Variants in RBM19 observed in about 807,000 individuals in gnomAD.
RBM19 encodes the protein RNA binding motif protein 19, also known as probable RNA-binding protein 19.
RBM19 carries 94 observed loss-of-function variants against 116.8 expected under a neutral mutation model. The ratio of observed to expected loss-of-function variants is 0.80; its 90% CI spans 0.68 to 0.95. RBM19 has a LOEUF of 0.95. Ranked by LOEUF, RBM19 falls within the 40% of genes least tolerant of loss-of-function variation. The probability of loss-of-function intolerance (pLI) is 0.00; values close to 1 mark genes in which losing one functional copy is unlikely to be tolerated. For synonymous variants in RBM19, 475 were observed against 494.1 expected, an observed-to-expected ratio of 0.96 and a Z score of 0.51; for missense variants, 1,161 against 1,220.7, an observed-to-expected ratio of 0.95 and a Z score of 0.73.
intron 22 of RBM19, 113 bp from the exon 23 acceptor site, chr12:113,844,901 C>A: frequency 7.1e-7 from 1 of 1,405,730 alleles, no homozygotes; most frequent in Non-Finnish European, 9.4e-7. Flanking sequence ...CAGGTTCTGG[C>A]CCCGTGACAT....
chr12:113,906,455 G>C (rs1421895401), intron 21 of RBM19, among the ~76,000 whole-genome samples: 2 of 152,154 alleles, frequency 1.3e-5, no homozygotes, highest in South Asian at 2.1e-4. Flanking sequence ...TGCTCTTGGT[G>C]GGGGGCAGGT....
rs758860422 is a variant in RBM19, at chr12:113,947,396, T to C, written c.1345A>G (p.Thr449Ala). ...ACAGCGTGCTCAGGGAACATGAAGGTGATGAATGCAAAACCCTTGGGTTTC... is the reference window on the plus strand; with the variant it reads ...ACAGCGTGCTCAGGGAACATGAAGGCGATGAATGCAAAACCCTTGGGTTTC... ...TKKPKGFAFI[T>A]FMFPEHAVKA... Residue 449 changes from threonine (T) to alanine (A), a missense_variant, in exon 11 of 24, where the codon ACC becomes GCC. Coordinates refer to ENST00000261741, the MANE Select transcript of RBM19 (RefSeq NM_016196.4). 6.2e-7 allele frequency: 1 copy of C among 1,611,438 alleles called. No homozygotes were observed. The highest frequency in any genetic ancestry group is 8.5e-7 in the Non-Finnish European group (1 of 1,177,860).
rs376619056 is a variant in RBM19, at chr12:113,960,172, A to G, written c.226T>C (p.Phe76Leu). ...FIDTSRITVE[F>L]CKSFGDPAKP... is the part of the protein sequence containing the mutation. ...GCCGGGTCCCCGAATGACTTGCAGA[A>G]CTCCACCTGTGTGGGAAAGAGAGTG... is the stretch of plus-strand genomic sequence containing the variant. Residue 76 changes from phenylalanine to leucine, a missense_variant, in exon 3 of 24, where the codon TTC (phenylalanine) becomes CTC (leucine). Physicochemically the swap from Phe to Leu is conservative, Grantham distance 22. Coordinates refer to ENST00000261741, the MANE Select transcript of RBM19 (RefSeq NM_016196.4). The G allele has an allele frequency of 4.6e-5, 75 of 1,613,168 alleles. No homozygotes were observed. Among genetic ancestry groups the G allele is most frequent in the Non-Finnish European group, 5.9e-5 (70 of 1,179,950 alleles).
chr12:113,957,316 C>G (rs1392830958), intron 6 of RBM19, among the ~76,000 whole-genome samples: 3 of 152,180 alleles, frequency 2.0e-5, no homozygotes, highest in Non-Finnish European at 4.4e-5. Context: ...TGGCTCATGC[C>G]TATAATCCCA....
intron 23 of RBM19, among the ~76,000 whole-genome samples, chr12:113,836,241 G>A (rs1208929718): frequency 2.0e-5 from 3 of 152,188 alleles, no homozygotes; most frequent in Non-Finnish European, 4.4e-5. Flanking sequence ...GGGGCAGTGG[G>A]CAGGGGCAGG....
At chr12:113,919,111 C>T (rs907744429) in intron 19 of RBM19, among the ~76,000 whole-genome samples, 1 of 152,164 alleles carries the variant, frequency 6.6e-6, no homozygotes, top group Non-Finnish European at 1.5e-5. Flanking sequence ...TAAATGAGTA[C>T]ACAGCCCCTG....
chr12:113,941,631 A>T (rs1300012982), intron 14 of RBM19, among the ~76,000 whole-genome samples: 3 of 151,660 alleles, frequency 2.0e-5, no homozygotes, highest in African/African-American at 7.3e-5. Context: ...CCATCCATTC[A>T]TCCACCATCC....
At chr12:113,926,609 C>G (rs1054753422) in intron 17 of RBM19, among the ~76,000 whole-genome samples, 1 of 152,034 alleles carries the variant, frequency 6.6e-6, no homozygotes, top group Non-Finnish European at 1.5e-5. Flanking sequence ...TCCTTTCATC[C>G]CCTTCCCTTT....
intron 21 of RBM19, among the ~76,000 whole-genome samples, chr12:113,874,472 G>A (rs1435403845): frequency 6.6e-6 from 1 of 152,202 alleles, no homozygotes; most frequent in African/African-American, 2.4e-5. Flanking sequence ...CCACTGGGCG[G>A]CAGGCCTCCC....
intron 21 of RBM19, among the ~76,000 whole-genome samples, chr12:113,862,078 G>A (rs1593498551): frequency 6.6e-6 from 1 of 152,202 alleles, no homozygotes; most frequent in East Asian, 1.9e-4. Context: ...AAAGATCAGG[G>A]TTAGATCTTA....
intron 22 of RBM19, among the ~76,000 whole-genome samples, chr12:113,851,672 C>T (rs931751300): frequency 5.3e-5 from 8 of 151,798 alleles, no homozygotes; most frequent in African/African-American, 1.2e-4. Flanking sequence ...TTTAGCCCAA[C>T]GCCTGGCATA....
downstream of RBM19, among the ~76,000 whole-genome samples, chr12:113,821,201 G>T (rs901478719): frequency 1.3e-5 from 2 of 152,116 alleles, no homozygotes; most frequent in Non-Finnish European, 2.9e-5. Flanking sequence ...ACCAAGCCCT[G>T]GATGATGCTG....
chr12:113,850,828 T>C (rs554450663), intron 22 of RBM19, among the ~76,000 whole-genome samples: 3 of 152,212 alleles, frequency 2.0e-5, no homozygotes, highest in Non-Finnish European at 2.9e-5. Flanking sequence ...CAGCAGACGA[T>C]AAATCTGTCC....
At chr12:113,966,075 G>T in intron 1 of RBM19, 117 bp downstream of exon 1, 1 of 1,177,532 alleles carries the variant, frequency 8.5e-7, no homozygotes, top group Non-Finnish European at 1.3e-6. Flanking sequence ...GTTCAGAATT[G>T]GCCCGGAGTC....
At chr12:113,920,806 C>A in intron 18 of RBM19, 116 bp from the exon 19 acceptor site, 2 of 882,292 alleles carry the variant, frequency 2.3e-6, no homozygotes, top group South Asian at 3.1e-5. Flanking sequence ...TTCATACCCC[C>A]TTCATTCCCC....
At chr12:113,861,474 CTGTGTGTGTGTGTGTGTGTG>C (rs57704604) in intron 21 of RBM19, among the ~76,000 whole-genome samples, 2 of 126,420 alleles carry the variant, frequency 1.6e-5, no homozygotes, top group Non-Finnish European at 3.3e-5. Context: ...AAGCCAGACT[CTGTGTGTGTGTGTGTGTGTG>C]TGTGTGTGTG....
intron 21 of RBM19, among the ~76,000 whole-genome samples, chr12:113,892,518 G>GT (rs1253033554): frequency 6.6e-6 from 1 of 152,202 alleles, no homozygotes. Flanking sequence ...TGCTAATAGG[G>GT]TAAGATTCAA....
At chr12:113,872,454 T>C (rs796736866) in intron 21 of RBM19, among the ~76,000 whole-genome samples, 5,251 of 99,996 alleles carry the variant, frequency 0.053, 169 homozygotes, top group East Asian at 0.25. Flanking sequence ...GCGCCTCTGC[T>C]CGGCCGCCCC....
intron 21 of RBM19, among the ~76,000 whole-genome samples, chr12:113,867,569 T>C (rs1878916226): frequency 1.3e-5 from 2 of 152,208 alleles, no homozygotes; most frequent in African/African-American, 2.4e-5. Context: ...TTAAAACTGA[T>C]AAATAATATG....
Sources: allele counts gnomAD v4.1 joint callset (sites outside exome capture counted in the v4.1 genomes callset), GRCh38; gene constraint gnomAD v4.1.1; transcripts MANE v1.5; gene names NCBI Gene and HGNC (gene_info 2026-07-23, HGNC 2026-07-21).